Variants in SLC24A2 observed in about 807,000 individuals in gnomAD.
The protein encoded by SLC24A2 is sodium/potassium/calcium exchanger 2.
Under a neutral mutation model 62.0 loss-of-function variants are expected in SLC24A2, and 36 were observed. The ratio of observed to expected loss-of-function variants is 0.58; its 90% CI spans 0.44 to 0.77. SLC24A2 has a LOEUF of 0.77. SLC24A2 is among the 30% of genes least tolerant of loss of function. The probability of loss-of-function intolerance (pLI) is 0.00; values close to 1 mark genes in which losing one functional copy is unlikely to be tolerated. For synonymous variants in SLC24A2, 358 were observed against 294.0 expected (o/e 1.22, Z -2.23); for missense variants, 846 against 817.9 (o/e 1.03, Z -0.42).
chr9:19,743,900 C>G (rs1169316273), intron 2 of SLC24A2, among the ~76,000 whole-genome samples: 2 of 152,054 alleles, frequency 1.3e-5, no homozygotes, highest in African/African-American at 4.8e-5. Context: ...TACTTTCTCA[C>G]TTTATTAGCC....
chr9:19,916,981 G>GTTTTT, the SLC24A2 span, among the ~76,000 whole-genome samples: 2,557 of 71,990 alleles, frequency 0.036, 364 homozygotes, highest in Non-Finnish European at 0.047. Context: ...TAACTTACCT[G>GTTTTT]TTTTTTTTTT....
the SLC24A2 span, among the ~76,000 whole-genome samples, chr9:19,969,892 A>G: frequency 0.014 from 2,152 of 152,272 alleles, 49 homozygotes; most frequent in African/African-American, 0.049. Flanking sequence ...TATGAGCTAT[A>G]CTAGGGATTG....
At chr9:20,192,392 T>C in the SLC24A2 span, among the ~76,000 whole-genome samples, 1 of 152,052 alleles carries the variant, frequency 6.6e-6, no homozygotes, top group African/African-American at 2.4e-5. Flanking sequence ...TATATATATT[T>C]AAGAAAGATA....
chr9:19,977,112 T>TG, the SLC24A2 span, among the ~76,000 whole-genome samples: 2 of 116,880 alleles, frequency 1.7e-5, no homozygotes, highest in Non-Finnish European at 3.6e-5. Flanking sequence ...CATTTCTATA[T>TG]TTGTGTGTGT....
chr9:20,288,650 T>C, the SLC24A2 span, among the ~76,000 whole-genome samples: 5 of 150,388 alleles, frequency 3.3e-5, no homozygotes, highest in Admixed American at 3.3e-4. Context: ...CATGCCTGTT[T>C]GGAAGGCTGA....
chr9:19,891,596 C>G, the SLC24A2 span, among the ~76,000 whole-genome samples: 2 of 152,044 alleles, frequency 1.3e-5, no homozygotes, highest in African/African-American at 4.8e-5. Context: ...TACCAGCTCT[C>G]TGGGCTTGGC....
At chr9:19,612,204 A>G (rs1352710824) in intron 4 of SLC24A2, among the ~76,000 whole-genome samples, 1 of 152,218 alleles carries the variant, frequency 6.6e-6, no homozygotes, top group Non-Finnish European at 1.5e-5. Flanking sequence ...TACTCTCTGG[A>G]GCAAGCAAGA....
chr9:20,165,880 T>C, the SLC24A2 span, among the ~76,000 whole-genome samples: 1 of 151,868 alleles, frequency 6.6e-6, no homozygotes, highest in South Asian at 2.1e-4. Flanking sequence ...ATTTGCAATA[T>C]GTATCACAGA....
intron 2 of SLC24A2, among the ~76,000 whole-genome samples, chr9:19,782,612 G>A (rs562669241): frequency 1.3e-5 from 2 of 152,250 alleles, no homozygotes; most frequent in East Asian, 3.9e-4. Context: ...ACTGGAGCAA[G>A]TTCAGTCTTC....
the SLC24A2 span, among the ~76,000 whole-genome samples, chr9:19,991,813 G>A: frequency 2.6e-5 from 4 of 152,156 alleles, no homozygotes; most frequent in Non-Finnish European, 4.4e-5. Flanking sequence ...GAGAGAAACT[G>A]AAAGCAGGGA....
At chr9:19,778,923 TATG>T (rs1314652392) in intron 2 of SLC24A2, among the ~76,000 whole-genome samples, 1 of 152,008 alleles carries the variant, frequency 6.6e-6, no homozygotes, top group Admixed American at 6.6e-5. Context: ...GCATTAAAAG[TATG>T]ATGAAATTAG....
At position 19,512,781 on chromosome 9, in the gene SLC24A2, T is replaced by C. The variant is rs1832765421; in HGVS notation, c.*3372A>G. ...TGTTGGCTCTTGAATTGTTGATATC[T>C]TTTATACCCTGCTCCAGAGAAGCAA... On this transcript the variant is annotated 3_prime_UTR_variant, in exon 11 of 11. Transcript: ENST00000341998. 1 of 152,174 alleles carries C rather than the reference T, an allele frequency of 6.6e-6. No individual in the cohort carries two copies. Among genetic ancestry groups the C allele is most frequent in the Admixed American group, 6.5e-5 (1 of 15,278 alleles). The allele number at this position is 152,174 out of a possible 1,614,324, so 9.4% of individuals were successfully genotyped here.
intron 2 of SLC24A2, among the ~76,000 whole-genome samples, chr9:19,757,942 A>G (rs1822195161): frequency 6.6e-6 from 1 of 152,162 alleles, no homozygotes; most frequent in Non-Finnish European, 1.5e-5. Context: ...CTCTCTGCAC[A>G]TGTCCACTTC....
chr9:19,680,854 T>TGTGA (rs1491211817), intron 2 of SLC24A2, among the ~76,000 whole-genome samples: 13 of 31,806 alleles, frequency 4.1e-4, no homozygotes, highest in South Asian at 1.6e-3. Flanking sequence ...ACCAGAGTTG[T>TGTGA]GTGTGTGTGT....
At chr9:20,043,295 C>G in the SLC24A2 span, among the ~76,000 whole-genome samples, 2 of 152,184 alleles carry the variant, frequency 1.3e-5, no homozygotes, top group African/African-American at 2.4e-5. Flanking sequence ...TGGAGATATA[C>G]AGAGTGATGA....
chr9:19,934,686 G>A, the SLC24A2 span, among the ~76,000 whole-genome samples: 2 of 152,216 alleles, frequency 1.3e-5, no homozygotes, highest in Non-Finnish European at 2.9e-5. The surrounding 1 kb of genome is among the most constrained non-coding windows in gnomAD (Gnocchi z 4.1). Flanking sequence ...GAAAATCGCG[G>A]CGAAGAGCTT....
chr9:19,527,931 G>A (rs140545433), intron 9 of SLC24A2, 118 bp downstream of exon 9: 90 of 725,316 alleles, frequency 1.2e-4, no homozygotes, highest in Middle Eastern at 4.6e-4. Flanking sequence ...ATGCTAACTC[G>A]TCTGTGTCAC....
At chr9:19,939,502 C>G in the SLC24A2 span, among the ~76,000 whole-genome samples, 1 of 152,146 alleles carries the variant, frequency 6.6e-6, no homozygotes, top group African/African-American at 2.4e-5. Flanking sequence ...CACAGCTGTA[C>G]AGGGCGCTTA....
At chr9:19,791,806 A>G (rs1016591321), upstream of SLC24A2, among the ~76,000 whole-genome samples, 18 of 152,248 alleles carry the variant, frequency 1.2e-4, no homozygotes, top group African/African-American at 4.3e-4. Flanking sequence ...AAGTAGATTA[A>G]TCAATGGGTC....
Sources: allele counts gnomAD v4.1 joint callset (sites outside exome capture counted in the v4.1 genomes callset), GRCh38; gene constraint gnomAD v4.1.1; non-coding constraint Gnocchi (gnomAD v3.1); transcripts MANE v1.5; gene names NCBI Gene and HGNC (gene_info 2026-07-23, HGNC 2026-07-21).